APP: variants seen among roughly 807,000 people sequenced by gnomAD.
The protein encoded by APP is amyloid-beta precursor protein.
In APP, 31 loss-of-function variants were observed where a neutral mutation model predicts 101.4. That is an observed-to-expected ratio of 0.31 (90% CI 0.23 to 0.41). The LOEUF (loss-of-function observed/expected upper bound fraction) is 0.41. APP is among the 10% of genes least tolerant of loss of function. The probability of loss-of-function intolerance (pLI) is 1.00; values close to 1 mark genes in which losing one functional copy is unlikely to be tolerated. For missense variants in APP, 839 were observed against 1,003.7 expected (o/e 0.84, Z 2.22); for synonymous variants, 366 against 364.4 (o/e 1.00, Z -0.05).
At chr21:26,102,764 C>A (rs983314063) in intron 2 of APP, among the ~76,000 whole-genome samples, 2 of 151,628 alleles carry the variant, frequency 1.3e-5, no homozygotes, top group Non-Finnish European at 2.9e-5. Flanking sequence ...GGTGTGGGCA[C>A]CTGTAATCTC....
chr21:26,010,638 T>C (rs999962336), intron 6 of APP, among the ~76,000 whole-genome samples: 1 of 151,210 alleles, frequency 6.6e-6, no homozygotes, highest in African/African-American at 2.4e-5. Flanking sequence ...GGTGAAACCC[T>C]GTCTCTACTA....
At chr21:26,124,003 G>A (rs1354142484) in intron 1 of APP, among the ~76,000 whole-genome samples, 1 of 148,544 alleles carries the variant, frequency 6.7e-6, no homozygotes, top group Non-Finnish European at 1.5e-5. Flanking sequence ...TTTTTTTAAT[G>A]TGCAAACAAG....
chr21:25,907,534 A>T (rs980535029), intron 14 of APP, among the ~76,000 whole-genome samples: 13 of 152,240 alleles, frequency 8.5e-5, no homozygotes, highest in African/African-American at 3.1e-4. Context: ...TAAAAACAAG[A>T]AATACATTAT....
intron 1 of APP, among the ~76,000 whole-genome samples, chr21:26,124,963 T>C (rs1212473037): frequency 3.3e-5 from 5 of 152,166 alleles, no homozygotes; most frequent in Non-Finnish European, 5.9e-5. Context: ...TAAGGCCAAA[T>C]TGGCTAACCA....
In APP at chr21:25,997,654, T is replaced by C. The variant is rs189898289; in HGVS notation, c.1034-238A>G. ...GATAGTATATCCGAGTAACAACAGG[T>C]TTCTTAACAGAAGAGGATTTCTTGC... On this transcript the variant is annotated intron_variant, in intron 7 of 17. Transcript: ENST00000346798. 8.3e-4 allele frequency among the ~76,000 whole-genome samples: 126 copies of C among 152,262 alleles called. 1 individual carries two copies. The highest frequency in any genetic ancestry group is 2.5e-3 in the South Asian group (12 of 4,808).
chr21:26,146,412 G>A (rs1035143232), intron 1 of APP, among the ~76,000 whole-genome samples: 18 of 152,160 alleles, frequency 1.2e-4, no homozygotes, highest in African/African-American at 4.3e-4. Flanking sequence ...TTATATCACT[G>A]TTTTACTTTG....
chr21:26,021,653 A>G (rs45438798), intron 6 of APP, among the ~76,000 whole-genome samples, 187 bp downstream of exon 6: 1 of 152,250 alleles, frequency 6.6e-6, no homozygotes, highest in Non-Finnish European at 1.5e-5. Context: ...TATAATAAAG[A>G]TTTCACATTA....
At chr21:26,157,125 A>C (rs1275103362) in intron 1 of APP, among the ~76,000 whole-genome samples, 1 of 152,108 alleles carries the variant, frequency 6.6e-6, no homozygotes, top group Non-Finnish European at 1.5e-5. Flanking sequence ...GCTGGAATGC[A>C]GTGGTATGAT....
chr21:25,889,754 G>C (rs536076247), intron 17 of APP, among the ~76,000 whole-genome samples: 15 of 152,240 alleles, frequency 9.9e-5, no homozygotes, highest in African/African-American at 3.6e-4. Flanking sequence ...GAGTGAGGTA[G>C]GAGAATCGCT....
chr21:26,042,411 A>G (rs2045412852), intron 5 of APP, among the ~76,000 whole-genome samples: 1 of 152,220 alleles, frequency 6.6e-6, no homozygotes, highest in Admixed American at 6.5e-5. Flanking sequence ...TTGAATGACA[A>G]GTTTTCACTA....
intron 1 of APP, chr21:26,169,529 AT>A (rs1200234779): frequency 1.3e-5 from 2 of 152,846 alleles, no homozygotes; most frequent in African/African-American, 4.8e-5. Context: ...TCTCCGCCTT[AT>A]TTCCTCCCCG....
rs138971220 is a variant in APP, at chr21:25,953,286, GCAGTACTGAA to G, written c.1687+1294_1687+1303del. Among the ~76,000 whole-genome samples the G allele has an allele frequency of 4.7e-3, 715 of 152,282 alleles. 7 individuals are homozygous for G. Among genetic ancestry groups the G allele is most frequent in the African/African-American group, 0.016 (666 of 41,554 alleles). ...AATTTCAGATTCCGTCCATTAATGT[GCAGTACTGAA>G]CAGAACATCATCACTTGACACATGC... On this transcript the variant is annotated intron_variant, in intron 13 of 17. Transcript: ENST00000346798.
intron 2 of APP, among the ~76,000 whole-genome samples, chr21:26,096,523 C>G (rs1354234011): frequency 6.6e-6 from 1 of 152,218 alleles, no homozygotes; most frequent in Non-Finnish European, 1.5e-5. Flanking sequence ...ACGTAGCATT[C>G]TTTCCCTCAA....
chr21:26,130,231 TG>T (rs1224534826), intron 1 of APP, among the ~76,000 whole-genome samples: 1 of 152,236 alleles, frequency 6.6e-6, no homozygotes, highest in Non-Finnish European at 1.5e-5. Flanking sequence ...CAACAAAACA[TG>T]TACTGCTTTT....
chr21:25,915,183 T>C (rs1045675403), intron 13 of APP, among the ~76,000 whole-genome samples: 1 of 152,208 alleles, frequency 6.6e-6, no homozygotes, highest in African/African-American at 2.4e-5. Flanking sequence ...TCAGGCTAAA[T>C]AGCTTGGGGT....
At chr21:25,960,075 G>T (rs1209194126) in intron 11 of APP, among the ~76,000 whole-genome samples, 1 of 149,496 alleles carries the variant, frequency 6.7e-6, no homozygotes, top group Admixed American at 6.7e-5. Context: ...CCTTTTACAG[G>T]GAGATGGCCT....
intron 13 of APP, among the ~76,000 whole-genome samples, chr21:25,921,312 A>G (rs1473529017): frequency 8.9e-6 from 1 of 112,944 alleles, no homozygotes; most frequent in Non-Finnish European, 1.8e-5. Flanking sequence ...CATCACAATT[A>G]AAAGAACTAG....
intron 3 of APP, among the ~76,000 whole-genome samples, chr21:26,085,264 T>C (rs1224978690): frequency 6.6e-6 from 1 of 152,202 alleles, no homozygotes; most frequent in Non-Finnish European, 1.5e-5. Flanking sequence ...GATGAAGAAA[T>C]GCCCAGCAAT....
intron 13 of APP, among the ~76,000 whole-genome samples, chr21:25,927,671 T>G (rs1048688944): frequency 2.5e-5 from 1 of 39,646 alleles, no homozygotes; most frequent in Non-Finnish European, 4.6e-5. Context: ...TTTGTCCCCT[T>G]ATGGTAACAA....
Sources: allele counts gnomAD v4.1 joint callset (sites outside exome capture counted in the v4.1 genomes callset), GRCh38; gene constraint gnomAD v4.1.1; transcripts MANE v1.5; gene names NCBI Gene and HGNC (gene_info 2026-07-23, HGNC 2026-07-21).